Variants in ZNF385D observed in about 807,000 individuals in gnomAD.
ZNF385D encodes the protein zinc finger protein 385D.
ZNF385D carries 15 observed loss-of-function variants against 35.8 expected under a neutral mutation model. The ratio of observed to expected loss-of-function variants is 0.42; its 90% confidence interval spans 0.28 to 0.64. The LOEUF (loss-of-function observed/expected upper bound fraction) is 0.64. ZNF385D is among the 30% of genes least tolerant of loss of function. ZNF385D has a pLI of 0.23. For missense variants in ZNF385D, 474 were observed against 494.6 expected (o/e 0.96, Z 0.39); for synonymous variants, 212 against 186.8 (o/e 1.13, Z -1.10).
rs796494094 is a variant in ZNF385D at position 21,600,884 on chromosome 3, AAGTC to A, written c.166-36204_166-36201del. ...TGAGATTCTCAAATTTAAAAATAAT[AAGTC>A]AAAGGGATGAATAGATTAAAAGATA... On this transcript the variant is annotated intron_variant, in intron 2 of 7. Transcript: ENST00000281523. 9.9e-4 allele frequency among the ~76,000 whole-genome samples: 151 copies of A among 152,094 alleles called. 2 individuals are homozygous for A. The South Asian group carries it at 0.016, about 17-fold the overall frequency.
At chr3:21,952,140 A>G (rs1201172946) in intron 3 of ZNF385D, among the ~76,000 whole-genome samples, 1 of 148,604 alleles carries the variant, frequency 6.7e-6, no homozygotes, top group Non-Finnish European at 1.5e-5. Context: ...ATGTGATGTA[A>G]ATATGATGTA....
At chr3:22,232,204 G>C (rs77238293) in intron 2 of ZNF385D, among the ~76,000 whole-genome samples, 71 of 152,138 alleles carry the variant, frequency 4.7e-4, no homozygotes, top group Admixed American at 9.2e-4. Flanking sequence ...AGATCATCTG[G>C]AATCATTATC....
At chr3:21,600,611 A>G (rs2064255930) in intron 2 of ZNF385D, among the ~76,000 whole-genome samples, 1 of 152,210 alleles carries the variant, frequency 6.6e-6, no homozygotes, top group South Asian at 2.1e-4. Context: ...TTGAATGCAA[A>G]TTTAAAGCTG....
intron 2 of ZNF385D, among the ~76,000 whole-genome samples, chr3:22,205,389 GA>G (rs144482139): frequency 0.019 from 2,713 of 144,912 alleles, 39 homozygotes; most frequent in Non-Finnish European, 0.029. Context: ...CAATCTTAAA[GA>G]AAAAAAAAAG....
chr3:22,347,710 G>T (rs2125490778), intron 2 of ZNF385D, among the ~76,000 whole-genome samples: 2 of 152,126 alleles, frequency 1.3e-5, no homozygotes, highest in South Asian at 4.1e-4. Flanking sequence ...AACAATAGAG[G>T]ATTACACAAA....
intron 3 of ZNF385D, among the ~76,000 whole-genome samples, chr3:21,988,990 C>G (rs1417630799): frequency 6.6e-6 from 1 of 152,176 alleles, no homozygotes; most frequent in Non-Finnish European, 1.5e-5. Flanking sequence ...CCAGGTGAGG[C>G]AATGCCTCGC....
intron 3 of ZNF385D, among the ~76,000 whole-genome samples, chr3:22,019,339 G>C (rs1186004298): frequency 6.6e-6 from 1 of 151,722 alleles, no homozygotes; most frequent in Non-Finnish European, 1.5e-5. Context: ...AAGCAGATGT[G>C]GGAAATTTCA....
intron 3 of ZNF385D, among the ~76,000 whole-genome samples, chr3:22,127,329 T>C (rs1703495881): frequency 3.2e-5 from 1 of 30,934 alleles, no homozygotes; most frequent in African/African-American, 1.6e-4. Context: ...TTTTTTTTTT[T>C]TTTTTTTTTT....
At chr3:21,671,169 T>A (rs908285419) in intron 1 of ZNF385D, among the ~76,000 whole-genome samples, 1 of 152,122 alleles carries the variant, frequency 6.6e-6, no homozygotes, top group Non-Finnish European at 1.5e-5. Context: ...TCTTTCAGCA[T>A]AAATTCCTGT....
intron 3 of ZNF385D, among the ~76,000 whole-genome samples, chr3:22,072,257 G>C (rs1014944493): frequency 3.3e-5 from 5 of 152,022 alleles, no homozygotes; most frequent in Non-Finnish European, 7.4e-5. Flanking sequence ...TCCTGAACTA[G>C]ACATGGGCGA....
At chr3:21,815,908 T>A (rs1161917138) in intron 3 of ZNF385D, among the ~76,000 whole-genome samples, 1 of 152,118 alleles carries the variant, frequency 6.6e-6, no homozygotes, top group Admixed American at 6.5e-5. Flanking sequence ...ATATCCCTGA[T>A]GAACATCGAT....
intron 3 of ZNF385D, among the ~76,000 whole-genome samples, chr3:21,963,302 T>C (rs1576021093): frequency 6.6e-6 from 1 of 152,036 alleles, no homozygotes; most frequent in Non-Finnish European, 1.5e-5. Flanking sequence ...TGTTCGGAGG[T>C]AGGATTAAAG....
intron 2 of ZNF385D, among the ~76,000 whole-genome samples, chr3:22,311,763 T>A (rs1465405762): frequency 2.0e-5 from 3 of 152,114 alleles, no homozygotes; most frequent in African/African-American, 4.8e-5. Context: ...AATCTAGTAC[T>A]TTTAAAAACT....
At chr3:22,200,651 C>G (rs1027143669) in intron 2 of ZNF385D, among the ~76,000 whole-genome samples, 2 of 152,044 alleles carry the variant, frequency 1.3e-5, no homozygotes, top group Non-Finnish European at 2.9e-5. Flanking sequence ...GTGGGAATTT[C>G]TTCTTCCTAA....
intron 3 of ZNF385D, among the ~76,000 whole-genome samples, chr3:21,519,104 A>G (rs1352915290): frequency 6.6e-6 from 1 of 152,134 alleles, no homozygotes. Context: ...AATGAACAGT[A>G]ACAGCTACGG....
At chr3:21,970,864 G>A (rs771504486) in intron 3 of ZNF385D, among the ~76,000 whole-genome samples, 36 of 152,080 alleles carry the variant, frequency 2.4e-4, no homozygotes, top group Non-Finnish European at 4.7e-4. Context: ...AAGTCTGGCA[G>A]CAGAATTTCC....
intron 1 of ZNF385D, among the ~76,000 whole-genome samples, chr3:21,720,083 G>C (rs1215149729): frequency 5.9e-5 from 9 of 152,134 alleles, no homozygotes; most frequent in Admixed American, 5.9e-4. Flanking sequence ...CTAATGCCCA[G>C]TTCTCACCTC....
At chr3:21,705,722 C>T (rs1277949601) in intron 1 of ZNF385D, among the ~76,000 whole-genome samples, 1 of 152,196 alleles carries the variant, frequency 6.6e-6, no homozygotes, top group Non-Finnish European at 1.5e-5. Context: ...TGTTCCATTG[C>T]TTCTTTCCAC....
At chr3:22,275,338 G>A (rs892934705) in intron 2 of ZNF385D, among the ~76,000 whole-genome samples, 21 of 152,072 alleles carry the variant, frequency 1.4e-4, no homozygotes, top group Admixed American at 1.4e-3. Context: ...TTGAAAGCAG[G>A]AAGATAATGG....
Sources: gnomAD v4.1 joint callset for allele counts (sites outside exome capture counted in the v4.1 genomes callset) on GRCh38, gnomAD v4.1.1 for gene constraint, MANE v1.5 for transcripts, NCBI Gene and HGNC (gene_info 2026-07-23, HGNC 2026-07-21) for gene names.